The following ANGPTL1 variants were observed in gnomAD, a reference collection of about 807,000 sequenced individuals.
ANGPTL1 encodes angiopoietin-related protein 1.
A neutral mutation model predicts 46.7 loss-of-function variants in ANGPTL1; 36 were observed. That is an observed-to-expected ratio of 0.77 (90% CI 0.59 to 1.02). ANGPTL1 has a LOEUF of 1.02. Among genes scored for constraint, ANGPTL1 ranks in the 50% least tolerant of loss-of-function variants. The pLI, the probability that ANGPTL1 is intolerant of heterozygous loss-of-function variation, is 0.00. For synonymous variants in ANGPTL1, 221 were observed against 204.3 expected, an observed-to-expected ratio of 1.08 and a Z score of -0.69; for missense variants, 571 against 594.7, an observed-to-expected ratio of 0.96 and a Z score of 0.41.
chr1:178,862,749 G>A (rs567398149), intron 3 of ANGPTL1, among the ~76,000 whole-genome samples: 1 of 152,160 alleles, frequency 6.6e-6, no homozygotes, highest in South Asian at 2.1e-4. Flanking sequence ...TTTTTGTGAA[G>A]GAAACTAGTG....
intron 3 of ANGPTL1, among the ~76,000 whole-genome samples, chr1:178,857,719 C>G (rs73039842): frequency 0.052 from 7,969 of 152,148 alleles, 729 homozygotes; most frequent in African/African-American, 0.18. Context: ...AATGTTTACT[C>G]TGCATTCATT....
At chr1:178,856,777 T>A (rs1236912851) in intron 3 of ANGPTL1, among the ~76,000 whole-genome samples, 1 of 152,150 alleles carries the variant, frequency 6.6e-6, no homozygotes, top group Non-Finnish European at 1.5e-5. Context: ...ATAAATTTAA[T>A]ATAGCTCATC....
At chr1:178,853,571 T>G in intron 4 of ANGPTL1, 23 bp downstream of exon 4, 1 of 1,541,636 alleles carries the variant, frequency 6.5e-7, no homozygotes, top group Non-Finnish European at 8.7e-7. Context: ...TTTACTTCCC[T>G]TAGGTCTGCA....
intron 3 of ANGPTL1, among the ~76,000 whole-genome samples, chr1:178,856,202 GAT>G (rs55797277): frequency 0.31 from 25,307 of 82,354 alleles, 2,893 homozygotes; most frequent in Middle Eastern, 0.45. Flanking sequence ...GAGAGAGAGA[GAT>G]ATATATATAT....
intron 1 of ANGPTL1, among the ~76,000 whole-genome samples, chr1:178,869,867 A>G (rs1216943953): frequency 6.6e-6 from 1 of 152,112 alleles, no homozygotes; most frequent in Non-Finnish European, 1.5e-5. Flanking sequence ...TTTATAATGC[A>G]TGTAAAAAAA....
Position 178,852,809 on chromosome 1 carries a change from G to T in ANGPTL1, c.1162C>A (p.Leu388Met). Residue 388 changes from leucine to methionine, a missense_variant, in exon 5 of 6, where the codon CTG becomes ATG. By Grantham distance (15) the Leu-to-Met change is conservative. Transcript: ENST00000234816. ...KVYAEYSSFR[L>M]EPESEFYRLR... ...CTATAGAATTCACTTTCAGGTTCCAGACGAAAGCTGCTGTATTCTGCATAG... is the reference window on the plus strand; with the variant it reads ...CTATAGAATTCACTTTCAGGTTCCATACGAAAGCTGCTGTATTCTGCATAG... 1 of 1,613,890 alleles carries T rather than the reference G, an allele frequency of 6.2e-7. No homozygotes were observed. The highest frequency in any genetic ancestry group is 8.5e-7 in the Non-Finnish European group (1 of 1,179,862).
chr1:178,866,200 T>A (rs1459107160), intron 2 of ANGPTL1, among the ~76,000 whole-genome samples: 7 of 152,166 alleles, frequency 4.6e-5, no homozygotes, highest in Non-Finnish European at 8.8e-5. Context: ...GTACACAGTG[T>A]TTGTAAGGCA....
At chr1:178,863,018 A>T (rs1658140963) in intron 3 of ANGPTL1, among the ~76,000 whole-genome samples, 1 of 152,214 alleles carries the variant, frequency 6.6e-6, no homozygotes, top group African/African-American at 2.4e-5. Context: ...GTTAAATCTT[A>T]TGCAGTAAAT....
At chr1:178,869,775 A>G (rs1658635277) in intron 1 of ANGPTL1, among the ~76,000 whole-genome samples, 1 of 152,092 alleles carries the variant, frequency 6.6e-6, no homozygotes, top group Admixed American at 6.6e-5. Context: ...TACAAGGCTA[A>G]AGGAGCCCCA....
rs1657053162 is a variant in ANGPTL1, at chr1:178,849,699, C to T, written c.*1430G>A. ...ACCACAGGTAAAACAAAGAATAATA[C>T]CACTATGAGGTTTGGATATTTTGTT... On this transcript the variant is annotated 3_prime_UTR_variant, in exon 6 of 6. Coordinates refer to ENST00000234816, the MANE Select transcript of ANGPTL1 (RefSeq NM_004673.4). 6.6e-6 allele frequency: 1 copy of T among 152,126 alleles called. No individual in the cohort carries two copies. Among genetic ancestry groups the T allele is most frequent in the Non-Finnish European group, 1.5e-5 (1 of 68,014 alleles). 9.4% of individuals were successfully genotyped at this position (152,126 alleles called of 1,614,324 possible). A position where few individuals can be genotyped will look rare whatever the true frequency, so the allele number is the denominator to read the frequency against.
chr1:178,853,280 T>G (rs1350604470), intron 4 of ANGPTL1: 1 of 910,914 alleles, frequency 1.1e-6, no homozygotes, highest in Non-Finnish European at 1.3e-6. Context: ...TAAAAAGGGT[T>G]CCTGGTCTCT....
At chr1:178,853,367 A>T (rs1456798344) in intron 4 of ANGPTL1, among the ~76,000 whole-genome samples, 2 of 152,166 alleles carry the variant, frequency 1.3e-5, no homozygotes, top group African/African-American at 4.8e-5. Flanking sequence ...AGTCATCCAG[A>T]CTGAAAGGGA....
At chr1:178,859,483 A>C (rs1036897743) in intron 3 of ANGPTL1, among the ~76,000 whole-genome samples, 57 of 143,598 alleles carry the variant, frequency 4.0e-4, no homozygotes, top group Non-Finnish European at 7.6e-4. Context: ...GGCTCACTGC[A>C]ACCTCCGCCT....
chr1:178,855,028 CT>C (rs1300824715), intron 3 of ANGPTL1, among the ~76,000 whole-genome samples: 1 of 151,942 alleles, frequency 6.6e-6, no homozygotes, highest in Non-Finnish European at 1.5e-5. Context: ...TATAAAAATT[CT>C]GATTGTCAAA....
intron 5 of ANGPTL1, 45 bp from the exon 6 acceptor site, chr1:178,851,361 G>A (rs372330295): frequency 7.2e-6 from 11 of 1,524,758 alleles, no homozygotes; most frequent in Non-Finnish European, 8.8e-6. Context: ...TTTCTTCTAG[G>A]TGTGGTACTC....
Position 178,865,657 on chromosome 1 carries a change from T to C in ANGPTL1, c.120A>G (p.Thr40=). The C allele has an allele frequency of 6.2e-7, 1 of 1,614,080 alleles. No homozygotes were observed. The highest frequency in any genetic ancestry group is 2.2e-5 in the East Asian group (1 of 44,880). The change falls in exon 3 of 6, where the codon ACA becomes ACG. Residue 40 remains threonine (T), a synonymous_variant. Transcript: ENST00000234816. ...ATTTCTTTGCTTCCTCTTTACCATCTGTGGCACGAGGGTATCTTCTCTGGT... is the reference window on the plus strand; with the variant it reads ...ATTTCTTTGCTTCCTCTTTACCATCCGTGGCACGAGGGTATCTTCTCTGGT... ...KINQRRYPRA[T]DGKEEAKKCA...
Position 178,865,099 on chromosome 1 carries a change from G to C in ANGPTL1, c.678C>G (p.Ser226Arg), listed in dbSNP as rs1462653072. The C allele has an allele frequency of 6.4e-7, 1 of 1,565,130 alleles. No homozygotes were observed. The highest frequency in any genetic ancestry group is 1.2e-5 in the South Asian group (1 of 81,406). Residue 226 changes from serine to arginine, a missense_variant, in exon 3 of 6, where the codon AGC becomes AGG. By Grantham distance (110) the Ser-to-Arg change is moderately radical. Transcript: ENST00000234816. ...CCAGCAGACCAGGAGTATACTGTTG[G>C]CTGTTAGGAATATGTTGTGGCACCA... Reference protein sequence around the residue: ...VQVVPQHIPNSQQYTPGLLGG... With the variant: ...VQVVPQHIPNRQQYTPGLLGG...
intron 2 of ANGPTL1, among the ~76,000 whole-genome samples, chr1:178,867,121 C>G (rs1658463422): frequency 6.6e-6 from 1 of 152,050 alleles, no homozygotes; most frequent in Non-Finnish European, 1.5e-5. Context: ...ATTTAAGAAA[C>G]CAGCTCCTAA....
At chr1:178,863,438 TAGTC>T (rs1658168261) in intron 3 of ANGPTL1, among the ~76,000 whole-genome samples, 1 of 152,166 alleles carries the variant, frequency 6.6e-6, no homozygotes, top group African/African-American at 2.4e-5. Context: ...GTTTAAGAAA[TAGTC>T]AGTGATTTGG....
Sources: allele counts gnomAD v4.1 joint callset (sites outside exome capture counted in the v4.1 genomes callset), GRCh38; gene constraint gnomAD v4.1.1; transcripts MANE v1.5; gene names NCBI Gene and HGNC (gene_info 2026-07-23, HGNC 2026-07-21).